The following CYB561 variants were observed in gnomAD, a reference collection of about 807,000 sequenced individuals.
CYB561 encodes the protein cytochrome b561, also known as transmembrane ascorbate-dependent reductase CYB561.
Under a neutral mutation model 25.3 loss-of-function variants are expected in CYB561, and 11 were observed. The observed-to-expected ratio is 0.44, with a 90% CI of 0.27 to 0.72. The LOEUF is 0.72. Among genes scored for constraint, CYB561 ranks in the 30% least tolerant of loss-of-function variants. The probability of loss-of-function intolerance (pLI) is 0.18; values close to 1 mark genes in which losing one functional copy is unlikely to be tolerated. For missense variants in CYB561, 295 were observed against 334.9 expected (o/e 0.88, Z 0.93); for synonymous variants, 165 against 158.8 (o/e 1.04, Z -0.29).
chr17:63,438,149 T>C, intron 1 of CYB561: 1 of 1,535,408 alleles, frequency 6.5e-7, no homozygotes, highest in Non-Finnish European at 8.7e-7. Flanking sequence ...GAGTTCCATA[T>C]GCGGTGAGGG....
rs755021372 is a variant in CYB561, at chr17:63,438,434, AGCCAGCCCCGCTCCCCCCACGCCCCC to A, written c.-13-900_-13-875del. ...GGCCTCCCCACCCCACACCCAGGAG[AGCCAGCCCCGCTCCCCCCACGCCCCC>A]GCCCGCCCCCCACCCCGCTCCCCGC... On this transcript the variant is annotated intron_variant, in intron 1 of 5. Coordinates refer to ENST00000360793, the MANE Select transcript of CYB561 (RefSeq NM_001915.4). 3.3e-3 allele frequency: 1,685 copies of A among 517,824 alleles called. 5 individuals carry two copies. Among genetic ancestry groups the A allele is most frequent in the Non-Finnish European group, 4.4e-3 (1,260 of 287,844 alleles). The allele number at this position is 517,824 out of a possible 1,614,324, so 32.1% of individuals were successfully genotyped here. A position where few individuals can be genotyped will look rare whatever the true frequency, so the allele number is the denominator to read the frequency against.
chr17:63,435,348 C>T, intron 4 of CYB561, 105 bp from the exon 5 acceptor site: 1 of 1,261,758 alleles, frequency 7.9e-7, no homozygotes, highest in Non-Finnish European at 1.1e-6. Flanking sequence ...CTGTGAGCCC[C>T]TCAGCCCTGC....
intron 2 of CYB561, 152 bp downstream of exon 2, chr17:63,437,194 C>T: frequency 1.5e-6 from 1 of 655,906 alleles, no homozygotes; most frequent in Non-Finnish European, 2.6e-6. Flanking sequence ...GATTCCATCT[C>T]CCCAGGCTCT....
chr17:63,439,549 A>C (rs984741383), intron 1 of CYB561, among the ~76,000 whole-genome samples: 1 of 151,426 alleles, frequency 6.6e-6, no homozygotes, highest in Admixed American at 6.6e-5. Context: ...AATTTTTTTT[A>C]ATTAAAAAAA....
At position 63,433,282 on chromosome 17, in the gene CYB561, C is replaced by T. The variant is rs543608082; in HGVS notation, c.*1120G>A. On this transcript the variant is annotated 3_prime_UTR_variant, in exon 6 of 6. Transcript: ENST00000360793. Reference sequence around the variant, plus strand: ...TTGATCTCCTGGCCTCGCACACGATCAGTGTTCTAATCACACTATTTCCAG... The same window carrying T: ...TTGATCTCCTGGCCTCGCACACGATTAGTGTTCTAATCACACTATTTCCAG... 22 of 397,938 alleles carry T rather than the reference C, an allele frequency of 5.5e-5. No homozygotes were observed. 24.7% of individuals were successfully genotyped at this position (397,938 alleles called of 1,614,324 possible). A position where few individuals can be genotyped will look rare whatever the true frequency, so the allele number is the denominator to read the frequency against.
intron 1 of CYB561, chr17:63,440,186 C>T (rs2049360738): frequency 5.0e-6 from 2 of 398,662 alleles, no homozygotes; most frequent in Admixed American, 4.4e-5. Flanking sequence ...CACTACTCAT[C>T]TCTACCTGGA....
At chr17:63,435,960 C>A in intron 3 of CYB561, 94 bp downstream of exon 3, 1 of 1,604,296 alleles carries the variant, frequency 6.2e-7, no homozygotes, top group East Asian at 2.2e-5. Context: ...GGGCCCATCA[C>A]AGCTCTGGGG....
intron 3 of CYB561, 126 bp from the exon 4 acceptor site, chr17:63,435,917 A>G: frequency 1.3e-6 from 2 of 1,581,722 alleles, no homozygotes; most frequent in Admixed American, 3.5e-5. Flanking sequence ...GCCAGCACCT[A>G]GTGGCCCTGC....
Position 63,433,853 on chromosome 17 carries a change from G to T in CYB561, c.*549C>A, listed in dbSNP as rs1049378334. ...CAGCCTCATCTCAGAGCTTCCCAGG[G>T]GCCAGTCCCTCCCCTCTCCTGGGGA... On this transcript the variant is annotated 3_prime_UTR_variant, in exon 6 of 6. Transcript: ENST00000360793. 5.8e-6 allele frequency: 1 copy of T among 172,172 alleles called. No individual in the cohort carries two copies. Among genetic ancestry groups the T allele is most frequent in the Non-Finnish European group, 1.2e-5 (1 of 82,250 alleles). The allele number at this position is 172,172 out of a possible 1,614,324, so 10.7% of individuals were successfully genotyped here. A position where few individuals can be genotyped will look rare whatever the true frequency, so the allele number is the denominator to read the frequency against.
In CYB561 at chr17:63,436,053, C is replaced by A; in HGVS notation, c.301+1G>T. On this transcript the variant is annotated splice_donor_variant, in intron 3 of 5. Coordinates refer to ENST00000360793, the MANE Select transcript of CYB561 (RefSeq NM_001915.4). LOFTEE classifies it high-confidence loss of function. This position sits in a 1 kb window ranked among gnomAD's most constrained non-coding sequence, Gnocchi z 4.8. ...GGGGAAGGCCGCGCCCGGGAACTCA[C>A]CAACCAGGGCGATGACGAGCGCAAA... 1.9e-6 allele frequency: 3 copies of A among 1,614,170 alleles called. No homozygotes were observed. Among genetic ancestry groups the A allele is most frequent in the Non-Finnish European group, 2.5e-6 (3 of 1,180,014 alleles).
At chr17:63,439,649 G>A (rs892202157) in intron 1 of CYB561, among the ~76,000 whole-genome samples, 9 of 152,142 alleles carry the variant, frequency 5.9e-5, no homozygotes, top group Admixed American at 2.0e-4. Context: ...ATCAGAATTT[G>A]ATCTATATCC....
intron 4 of CYB561, 100 bp from the exon 5 acceptor site, chr17:63,435,343 A>T (rs1259216842): frequency 7.8e-7 from 1 of 1,277,360 alleles, no homozygotes; most frequent in African/African-American, 1.5e-5. Context: ...GGCGACTGTG[A>T]GCCCCTCAGC....
At position 63,434,435 on chromosome 17, in the gene CYB561, C is replaced by A; in HGVS notation, c.723G>T (p.Thr241=). ...EEQALSMDFK[T]LTEGDSPGSQ Reference sequence around the variant, plus strand: ...AGCCGGGGCTATCTCCCTCCGTCAGCGTCTTGAAGTCCATGGAGAGGGCCT... The same window carrying A: ...AGCCGGGGCTATCTCCCTCCGTCAGAGTCTTGAAGTCCATGGAGAGGGCCT... Residue 241 remains threonine, a synonymous_variant, in exon 6 of 6, where the codon ACG becomes ACT. Transcript: ENST00000360793. 1.3e-6 allele frequency: 2 copies of A among 1,591,432 alleles called. No individual in the cohort carries two copies. The highest frequency in any genetic ancestry group is 1.7e-6 in the Non-Finnish European group (2 of 1,168,754).
At chr17:63,438,261 G>A in intron 1 of CYB561, 1 of 1,526,396 alleles carries the variant, frequency 6.6e-7, no homozygotes, top group Non-Finnish European at 8.8e-7. Flanking sequence ...GGGCTTTACA[G>A]GTGAGTTACA....
intron 4 of CYB561, 107 bp from the exon 5 acceptor site, chr17:63,435,350 C>A: frequency 8.0e-7 from 1 of 1,250,052 alleles, no homozygotes; most frequent in Non-Finnish European, 1.1e-6. Flanking sequence ...GTGAGCCCCT[C>A]AGCCCTGCCT....
Position 63,437,455 on chromosome 17 carries a change from G to C in CYB561, c.93C>G (p.Thr31=), listed in dbSNP as rs370570858. The change falls in exon 2 of 6, where the codon ACC becomes ACG. Residue 31 remains threonine (T), a synonymous_variant. Transcript: ENST00000360793. ...CTCGGTACAGCCCGAGCCACGCGCC[G>C]GTCATGGCCACCAAGGTCAGGCCCA... ...QLLGLTLVAM[T]GAWLGLYRGG... The C allele has an allele frequency of 6.2e-7, 1 of 1,613,912 alleles. No individual in the cohort carries two copies. Among genetic ancestry groups the C allele is most frequent in the Non-Finnish European group, 8.5e-7 (1 of 1,179,970 alleles).
intron 1 of CYB561, chr17:63,437,764 G>A (rs2049325245): frequency 4.5e-6 from 2 of 442,354 alleles, no homozygotes; most frequent in Non-Finnish European, 7.9e-6. Context: ...AGCCGCCCCT[G>A]CTAGATGCGC....
intron 1 of CYB561, among the ~76,000 whole-genome samples, chr17:63,438,619 T>C (rs919938187): frequency 1.3e-4 from 19 of 149,196 alleles, no homozygotes; most frequent in African/African-American, 4.7e-4. Flanking sequence ...CTCAGGGAGG[T>C]TTCCAAAACT....
chr17:63,435,037 C>T (rs900206079), intron 5 of CYB561, 49 bp downstream of exon 5: 2 of 1,556,820 alleles, frequency 1.3e-6, no homozygotes, highest in African/African-American at 2.7e-5. Context: ...AGGGTGAGGT[C>T]TGTGCAAGGG....
Sources: gnomAD v4.1 joint callset for allele counts (sites outside exome capture counted in the v4.1 genomes callset) on GRCh38, gnomAD v4.1.1 for gene constraint, Gnocchi (gnomAD v3.1) non-coding constraint, MANE v1.5 for transcripts, NCBI Gene and HGNC (gene_info 2026-07-23, HGNC 2026-07-21) for gene names.